PIF1: variants seen among roughly 807,000 people sequenced by gnomAD.
The protein encoded by PIF1 is PIF1 5'-to-3' DNA helicase.
PIF1 carries 67 observed loss-of-function variants against 62.3 expected under a neutral mutation model. The ratio of observed to expected loss-of-function variants is 1.08; its 90% confidence interval spans 0.88 to 1.32. The LOEUF is 1.32. PIF1 is among the 40% of genes most tolerant of loss of function. PIF1 has a pLI of 0.00. For missense variants in PIF1, 886 were observed against 866.1 expected, an observed-to-expected ratio of 1.02 and a Z score of -0.29; for synonymous variants, 364 against 379.5, an observed-to-expected ratio of 0.96 and a Z score of 0.47.
Position 64,824,260 on chromosome 15 carries a change from G to A in PIF1, c.76C>T (p.Leu26=). The A allele has an allele frequency of 7.7e-7, 1 of 1,300,534 alleles. No individual in the cohort carries two copies. The highest frequency in any genetic ancestry group is 9.8e-7 in the Non-Finnish European group (1 of 1,019,974). 80.6% of individuals were successfully genotyped at this position (1,300,534 alleles called of 1,614,324 possible). A position where few individuals can be genotyped will look rare whatever the true frequency, so the allele number is the denominator to read the frequency against. The stretch of plus-strand genomic sequence containing the variant: ...CTTCGCGGCTGCCCGCCCGGGCTCA[G>A]CTCCTCCACAGCCACGCGGCACCGC... ...ELRCRVAVEE[L]SPGGQPRRRQ... Residue 26 remains leucine (L), a synonymous_variant, in exon 2 of 13, where the codon CTG becomes TTG. Transcript: ENST00000559239.
intron 9 of PIF1, 22 bp from the exon 10 acceptor site, chr15:64,818,366 G>T (rs771887756): frequency 4.3e-6 from 7 of 1,610,878 alleles, no homozygotes; most frequent in African/African-American, 2.7e-5. Context: ...AGAGAGGAAT[G>T]GACAGCAGCC....
At chr15:64,819,302 TTTTAA>T (rs1180861747) in intron 8 of PIF1, 79 bp from the exon 9 acceptor site, 2 of 956,252 alleles carry the variant, frequency 2.1e-6, no homozygotes, top group African/African-American at 1.7e-5. Context: ...TTTTTTTAAA[TTTTAA>T]TTTAATTTAA....
chr15:64,824,247 C>G lies in PIF1; in HGVS notation c.89G>C (p.Gly30Ala). Residue 30 changes from glycine to alanine, a missense_variant, in exon 2 of 13, where the codon GGG (glycine) becomes GCG (alanine). Gly to Ala is a moderately conservative substitution (Grantham distance 60). Transcript: ENST00000559239. ...CAGGGCCTGGCGCCTTCGCGGCTGC[C>G]CGCCCGGGCTCAGCTCCTCCACAGC... ...RVAVEELSPG[G>A]QPRRRQALRT... The G allele has an allele frequency of 7.6e-7, 1 of 1,312,450 alleles. No individual in the cohort carries two copies. The highest frequency in any genetic ancestry group is 2.1e-5 in the South Asian group (1 of 47,288). 81.3% of individuals were successfully genotyped at this position (1,312,450 alleles called of 1,614,324 possible). A position where few individuals can be genotyped will look rare whatever the true frequency, so the allele number is the denominator to read the frequency against.
At chr15:64,816,488 C>T in intron 12 of PIF1, 86 bp downstream of exon 12, 1 of 1,593,852 alleles carries the variant, frequency 6.3e-7, no homozygotes, top group Non-Finnish European at 8.6e-7. Flanking sequence ...TGCCCCCACC[C>T]CAGGTCCCAC....
chr15:64,819,393 C>T (rs979773635), intron 8 of PIF1, among the ~76,000 whole-genome samples, 170 bp from the exon 9 acceptor site: 4 of 152,278 alleles, frequency 2.6e-5, no homozygotes, highest in African/African-American at 7.2e-5. Flanking sequence ...TCACTGCAAC[C>T]TCTGCCTCCT....
In PIF1 at chr15:64,816,727, A is replaced by G. The variant is rs2084191065; in HGVS notation, c.1713T>C (p.Arg571=). The G allele has an allele frequency of 1.9e-6, 3 of 1,609,468 alleles. No individual in the cohort carries two copies. The African/African-American group carries it at 4.0e-5, about 22-fold the overall frequency. ...TLDCVEISLG[R]VFASGQAYVA... ...CATAGGCCTGGCCACTGGCAAACAC[A>G]CGGCCCAGAGAAATCTCCACACAAT... Residue 571 remains arginine, a synonymous_variant, in exon 12 of 13, where the codon CGT becomes CGC. Transcript: ENST00000559239.
chr15:64,825,389 A>G (rs773504065), intron 1 of PIF1, among the ~76,000 whole-genome samples, 180 bp downstream of exon 1: 22 of 152,282 alleles, frequency 1.4e-4, no homozygotes, highest in Non-Finnish European at 2.4e-4. Flanking sequence ...AGTCAAAGTC[A>G]GTGTGATTCC....
intron 9 of PIF1, 91 bp from the exon 10 acceptor site, chr15:64,818,435 G>T: frequency 8.1e-7 from 1 of 1,231,252 alleles, no homozygotes. Flanking sequence ...TGAGGGCAGG[G>T]AGCTGTCATG....
At position 64,816,580 on chromosome 15, in the gene PIF1, G is replaced by A; in HGVS notation, c.1860C>T (p.Leu620=). The A allele has an allele frequency of 6.2e-7, 1 of 1,613,390 alleles. No individual in the cohort carries two copies. Among genetic ancestry groups the A allele is most frequent in the Non-Finnish European group, 8.5e-7 (1 of 1,179,818 alleles). The change falls in exon 12 of 13, where the codon CTC becomes CTT. Residue 620 remains leucine (L), a synonymous_variant. Transcript: ENST00000559239. ...CTGGATGACTCCCTCTTACCAGACT[G>A]AGGCTCCTGCCCCGCCGCAGGGTGG... ...FYATLRRGRS[L]SLESPDDDEA...
Position 64,823,901 on chromosome 15 carries a change from GC to G in PIF1, c.434del (p.Arg145ProfsTer28). 7.3e-7 allele frequency: 1 copy of G among 1,364,136 alleles called. No homozygotes were observed. Among genetic ancestry groups the G allele is most frequent in the South Asian group, 2.0e-5 (1 of 51,158 alleles). The allele number at this position is 1,364,136 out of a possible 1,614,324, so 84.5% of individuals were successfully genotyped here. ...GCACAGGGCTGATGGTGACGAAGTCGCGGGGCCGCGGGCCCAGCAGCTGCGC... is the reference window on the plus strand; with the variant it reads ...GCACAGGGCTGATGGTGACGAAGTCGGGGGCCGCGGGCCCAGCAGCTGCGC... The part of the protein sequence containing the change: ...ARAQLLGPRP[R>X]DFVTISPVQP... On this transcript the variant is annotated frameshift_variant, in exon 2 of 13. Transcript: ENST00000559239. LOFTEE classifies it high-confidence loss of function.
rs1002140057 is a variant in PIF1, at chr15:64,824,007, G to C, written c.329C>G (p.Pro110Arg). Residue 110 changes from proline (P) to arginine (R), a missense_variant, in exon 2 of 13, where the codon CCA becomes CGA. Coordinates refer to ENST00000559239, the MANE Select transcript of PIF1 (RefSeq NM_001286496.2). ...GCGCAGGAAGCGGCGCAGGCGGTCTGGGGGGCAGTCCGAGAGCAGCAGCTG... is the reference window on the plus strand; with the variant it reads ...GCGCAGGAAGCGGCGCAGGCGGTCTCGGGGGCAGTCCGAGAGCAGCAGCTG... ...AVQLLLSDCP[P>R]DRLRRFLRTL... 10 of 1,297,648 alleles carry C rather than the reference G, an allele frequency of 7.7e-6. No homozygotes were observed. The East Asian group carries it at 9.4e-5, about 12-fold the overall frequency. 80.4% of individuals were successfully genotyped at this position (1,297,648 alleles called of 1,614,324 possible).
intron 7 of PIF1, among the ~76,000 whole-genome samples, 173 bp downstream of exon 7, chr15:64,820,809 C>G (rs2084273715): frequency 6.6e-6 from 1 of 152,210 alleles, no homozygotes. Flanking sequence ...ATGGTCTTGA[C>G]TACAATCCAT....
intron 2 of PIF1, 92 bp downstream of exon 2, chr15:64,823,686 C>G: frequency 1.0e-6 from 1 of 971,754 alleles, no homozygotes; most frequent in Non-Finnish European, 1.4e-6. Context: ...ATACCCACAC[C>G]GGCTTCCCCT....
Position 64,816,876 on chromosome 15 carries a change from CAG to C in PIF1, c.1675-113_1675-112del, listed in dbSNP as rs759861724. ...TGCCCCTGGATCTCCTCGTCCAGTC[CAG>C]AGAGTCTCTAGACAGAGGGAGAGCA... On this transcript the variant is annotated intron_variant, in intron 11 of 12. Coordinates refer to ENST00000559239, the MANE Select transcript of PIF1 (RefSeq NM_001286496.2). The C allele has an allele frequency of 2.1e-5, 21 of 1,012,478 alleles. No homozygotes were observed. The Middle Eastern group carries it at 1.1e-3, about 53-fold the overall frequency. 62.7% of individuals were successfully genotyped at this position (1,012,478 alleles called of 1,614,324 possible).
intron 10 of PIF1, 58 bp downstream of exon 10, chr15:64,818,199 T>C: frequency 6.2e-7 from 1 of 1,609,930 alleles, no homozygotes. Flanking sequence ...CCCCCACCAT[T>C]CCCGGGGCCA....
At chr15:64,818,207 C>A in intron 10 of PIF1, 50 bp downstream of exon 10, 1 of 1,610,876 alleles carries the variant, frequency 6.2e-7, no homozygotes, top group Non-Finnish European at 8.5e-7. Flanking sequence ...ATTCCCGGGG[C>A]CATGCTGCAA....
At chr15:64,817,353 T>A (rs932818516) in intron 11 of PIF1, among the ~76,000 whole-genome samples, 2 of 152,026 alleles carry the variant, frequency 1.3e-5, no homozygotes, top group African/African-American at 4.8e-5. Context: ...GAGACCAGCC[T>A]GGCCAACATG....
At position 64,816,735 on chromosome 15, in the gene PIF1, G is replaced by A. The variant is rs1461393858; in HGVS notation, c.1705C>T (p.Leu569=). ...TGGCCACTGGCAAACACACGGCCCA[G>A]AGAAATCTCCACACAATCCAGGGTC... The part of the protein sequence containing the change: ...GMTLDCVEIS[L]GRVFASGQAY... The change falls in exon 12 of 13, where the codon CTG becomes TTG. Residue 569 remains leucine (L), a synonymous_variant. Transcript: ENST00000559239. 6.2e-7 allele frequency: 1 copy of A among 1,608,478 alleles called. No individual in the cohort carries two copies. The highest frequency in any genetic ancestry group is 1.3e-5 in the African/African-American group (1 of 74,656).
chr15:64,822,068 G>A (rs555329671), intron 4 of PIF1, 198 bp downstream of exon 4: 5 of 661,880 alleles, frequency 7.6e-6, no homozygotes, highest in African/African-American at 3.7e-5. Flanking sequence ...TGGAGACAGG[G>A]TTTACTGTGT....
Sources: gnomAD v4.1 joint callset for allele counts (sites outside exome capture counted in the v4.1 genomes callset) on GRCh38, gnomAD v4.1.1 for gene constraint, MANE v1.5 for transcripts, NCBI Gene and HGNC (gene_info 2026-07-23, HGNC 2026-07-21) for gene names.